RABL2B: variants seen among roughly 807,000 people sequenced by gnomAD.
RABL2B encodes RAB, member of RAS oncogene family like 2B.
Under a neutral mutation model 26.7 loss-of-function variants are expected in RABL2B, and 17 were observed. The ratio of observed to expected loss-of-function variants is 0.64; its 90% CI spans 0.44 to 0.95. The LOEUF is 0.95. Ranked by LOEUF, RABL2B falls within the 40% of genes least tolerant of loss-of-function variation. The pLI is 0.00. For missense variants in RABL2B, 170 were observed against 277.2 expected, an observed-to-expected ratio of 0.61 and a Z score of 2.75; for synonymous variants, 70 against 103.9, an observed-to-expected ratio of 0.67 and a Z score of 1.99.
At chr22:50,781,041 A>G (rs2085750129) in intron 2 of RABL2B, among the ~76,000 whole-genome samples, 1 of 152,122 alleles carries the variant, frequency 6.6e-6, no homozygotes, top group Admixed American at 6.5e-5. Flanking sequence ...CAAAGTAACT[A>G]TAAAATACTA....
chr22:50,783,236 G>A (rs1376353468), intron 1 of RABL2B: 1 of 164,832 alleles, frequency 6.1e-6, no homozygotes, highest in Non-Finnish European at 1.3e-5. Context: ...TGGACTATAG[G>A]CGTGAGCCAC....
At chr22:50,775,553 C>T (rs2084852412) in intron 5 of RABL2B, among the ~76,000 whole-genome samples, 1 of 152,106 alleles carries the variant, frequency 6.6e-6, no homozygotes, top group Admixed American at 6.5e-5. Flanking sequence ...CTTGCTGTTC[C>T]ACCTTTTCTC....
At chr22:50,773,196 T>C in intron 5 of RABL2B, 1 of 1,260,672 alleles carries the variant, frequency 7.9e-7, no homozygotes, top group African/African-American at 1.5e-5. Flanking sequence ...GCTCCTCTGC[T>C]CTTGAGGGTC....
At chr22:50,780,270 TGA>T (rs1172708008) in intron 2 of RABL2B, among the ~76,000 whole-genome samples, 2 of 150,856 alleles carry the variant, frequency 1.3e-5, no homozygotes, top group Non-Finnish European at 2.9e-5. Flanking sequence ...GAAAGCCTGG[TGA>T]CTGGGGCTGC....
At chr22:50,769,304 C>T (rs1248620056) in intron 7 of RABL2B, 151 bp downstream of exon 7, 8 of 1,519,964 alleles carry the variant, frequency 5.3e-6, no homozygotes, top group Non-Finnish European at 6.3e-6. Flanking sequence ...CTCATCAAGT[C>T]CAGGCCCATC....
chr22:50,770,308 G>T, intron 5 of RABL2B: 1 of 391,364 alleles, frequency 2.6e-6, no homozygotes, highest in Non-Finnish European at 4.7e-6. Context: ...CTGAGGTCAG[G>T]AGTTTGAGAC....
intron 2 of RABL2B, among the ~76,000 whole-genome samples, chr22:50,778,335 G>A (rs1285900705): frequency 2.6e-5 from 4 of 151,580 alleles, no homozygotes; most frequent in South Asian, 2.1e-4. Flanking sequence ...TTTCCCGGTC[G>A]GGCGCGGTGG....
intron 7 of RABL2B, 62 bp downstream of exon 7, chr22:50,769,393 C>T: frequency 6.2e-7 from 1 of 1,611,684 alleles, no homozygotes; most frequent in Non-Finnish European, 8.5e-7. Context: ...CCCTTCTCTT[C>T]ACAGCTTCCC....
chr22:50,773,898 C>CT (rs2084562957), intron 5 of RABL2B, among the ~76,000 whole-genome samples: 1 of 150,656 alleles, frequency 6.6e-6, no homozygotes, highest in Non-Finnish European at 1.5e-5. Flanking sequence ...CCATGGCAGA[C>CT]TTTATTTTTT....
chr22:50,775,950 A>G, intron 4 of RABL2B, 99 bp from the exon 5 acceptor site: 4 of 1,214,452 alleles, frequency 3.3e-6, no homozygotes, highest in Non-Finnish European at 3.6e-6. Flanking sequence ...CACATGTGTG[A>G]GTGTACATGG....
intron 6 of RABL2B, 36 bp downstream of exon 6, chr22:50,769,867 AGT>A (rs1555916943): frequency 6.3e-7 from 1 of 1,592,110 alleles, no homozygotes; most frequent in Non-Finnish European, 8.6e-7. Context: ...GCAGGTCCCC[AGT>A]GAATTGCTAA....
At chr22:50,774,946 T>G (rs1471610079) in intron 5 of RABL2B, among the ~76,000 whole-genome samples, 1 of 152,000 alleles carries the variant, frequency 6.6e-6, no homozygotes, top group Non-Finnish European at 1.5e-5. Context: ...CCCGGCTAAT[T>G]TTTTGTATTT....
chr22:50,773,571 A>T (rs1399864237), intron 5 of RABL2B, among the ~76,000 whole-genome samples: 5 of 151,532 alleles, frequency 3.3e-5, no homozygotes, highest in Non-Finnish European at 7.4e-5. Flanking sequence ...AGCTAATGAC[A>T]AACATCAGAG....
chr22:50,782,547 C>T (rs1313899295), intron 1 of RABL2B, among the ~76,000 whole-genome samples, 200 bp from the exon 2 acceptor site: 2 of 152,160 alleles, frequency 1.3e-5, no homozygotes, highest in Non-Finnish European at 2.9e-5. Context: ...TCCTGCGCAC[C>T]CCAAATGCTG....
At chr22:50,773,246 T>C in intron 5 of RABL2B, 1 of 1,283,780 alleles carries the variant, frequency 7.8e-7, no homozygotes, top group South Asian at 1.3e-5. Flanking sequence ...CCTTGCCCCA[T>C]CATCCTCTTG....
In RABL2B at chr22:50,767,632, G is replaced by A. The variant is rs2083601453; in HGVS notation, c.*1144C>T. On this transcript the variant is annotated 3_prime_UTR_variant, in exon 9 of 9. Transcript: ENST00000691320. ...CTAGCAAGCCACAAGTACCAGAGAG[G>A]GGTGAACAGGCATATCTGCTAGCTC... is the stretch of plus-strand genomic sequence containing the variant. 12 of 346,310 alleles carry A rather than the reference G, an allele frequency of 3.5e-5. No individual in the cohort carries two copies. The highest frequency in any genetic ancestry group is 2.5e-4 in the South Asian group (12 of 47,168). 21.5% of individuals were successfully genotyped at this position (346,310 alleles called of 1,614,324 possible). A position where few individuals can be genotyped will look rare whatever the true frequency, so the allele number is the denominator to read the frequency against.
chr22:50,781,318 T>C (rs1487166333), intron 2 of RABL2B, among the ~76,000 whole-genome samples: 1 of 125,514 alleles, frequency 8.0e-6, no homozygotes, highest in Non-Finnish European at 1.6e-5. Flanking sequence ...CACTCCAGCC[T>C]GGGGGACAGA....
intron 2 of RABL2B, among the ~76,000 whole-genome samples, chr22:50,781,325 C>A (rs577059350): frequency 9.7e-4 from 124 of 128,414 alleles, no homozygotes; most frequent in African/African-American, 3.6e-3. Context: ...GCCTGGGGGA[C>A]AGAGCGAGAC....
chr22:50,772,897 G>A (rs1169380744), intron 5 of RABL2B: 1 of 1,196,390 alleles, frequency 8.4e-7, no homozygotes, highest in Non-Finnish European at 1.1e-6. Flanking sequence ...AAGGTTTCAA[G>A]GTGGAGGGTC....
Sources: gnomAD v4.1 joint callset for allele counts (sites outside exome capture counted in the v4.1 genomes callset) on GRCh38, gnomAD v4.1.1 for gene constraint, MANE v1.5 for transcripts, NCBI Gene and HGNC (gene_info 2026-07-23, HGNC 2026-07-21) for gene names.